FYB1: variants seen among roughly 807,000 people sequenced by gnomAD.
The protein encoded by FYB1 is FYN binding protein 1.
A neutral mutation model predicts 94.1 loss-of-function variants in FYB1; 41 were observed. The observed-to-expected ratio is 0.44, with a 90% confidence interval of 0.34 to 0.57. The LOEUF is 0.57. Among genes scored for constraint, FYB1 ranks in the 20% least tolerant of loss-of-function variants. The pLI is 0.02. For missense variants in FYB1, 1,050 were observed against 976.8 expected, an observed-to-expected ratio of 1.07 and a Z score of -1.00; for synonymous variants, 367 against 353.2, an observed-to-expected ratio of 1.04 and a Z score of -0.44.
chr5:39,162,971 A>G (rs1209528770), intron 2 of FYB1, among the ~76,000 whole-genome samples: 3 of 152,240 alleles, frequency 2.0e-5, no homozygotes, highest in African/African-American at 7.2e-5. Context: ...TAGCTGGAAA[A>G]ATGAACATTC....
intron 1 of FYB1, among the ~76,000 whole-genome samples, chr5:39,238,868 C>T (rs765619424): frequency 6.6e-5 from 10 of 152,232 alleles, no homozygotes; most frequent in East Asian, 1.9e-4. Context: ...CATGGTCACA[C>T]GTGAAAACCT....
At chr5:39,227,432 G>A (rs1255883235) in intron 1 of FYB1, among the ~76,000 whole-genome samples, 2 of 152,132 alleles carry the variant, frequency 1.3e-5, no homozygotes, top group Non-Finnish European at 2.9e-5. Flanking sequence ...AGAATGAATT[G>A]TCATTTGCAC....
At chr5:39,121,269 C>T (rs1740072389) in intron 14 of FYB1, among the ~76,000 whole-genome samples, 1 of 141,662 alleles carries the variant, frequency 7.1e-6, no homozygotes, top group South Asian at 2.4e-4. Flanking sequence ...GAACATATTA[C>T]TGAAGATTCC....
At chr5:39,191,359 G>A (rs900356975) in intron 2 of FYB1, among the ~76,000 whole-genome samples, 7 of 152,192 alleles carry the variant, frequency 4.6e-5, no homozygotes, top group Admixed American at 2.0e-4. Context: ...TGAAAAAGCC[G>A]TTGTGGTGTG....
chr5:39,213,895 C>T (rs1191713051), intron 1 of FYB1, among the ~76,000 whole-genome samples: 2 of 152,028 alleles, frequency 1.3e-5, no homozygotes, highest in Non-Finnish European at 2.9e-5. Flanking sequence ...TGAAGAGGGG[C>T]ATAAACAGAT....
chr5:39,208,983 C>T (rs1244210675), intron 1 of FYB1: 1 of 152,016 alleles, frequency 6.6e-6, no homozygotes, highest in Non-Finnish European at 1.5e-5. Flanking sequence ...AAGAAAATAA[C>T]ACATATGACC....
chr5:39,166,564 A>G (rs1744758250), intron 2 of FYB1, among the ~76,000 whole-genome samples: 1 of 152,220 alleles, frequency 6.6e-6, no homozygotes, highest in African/African-American at 2.4e-5. Context: ...AATGGATGAA[A>G]CTTATAAAAT....
At chr5:39,268,742 T>C (rs1360303680) in intron 1 of FYB1, among the ~76,000 whole-genome samples, 2 of 151,962 alleles carry the variant, frequency 1.3e-5, no homozygotes, top group Non-Finnish European at 2.9e-5. Flanking sequence ...ATTTTGTGTT[T>C]TTAGTAGAGA....
intron 2 of FYB1, among the ~76,000 whole-genome samples, chr5:39,184,417 A>G (rs1746554663): frequency 6.6e-6 from 1 of 152,228 alleles, no homozygotes; most frequent in Non-Finnish European, 1.5e-5. Flanking sequence ...TCAAATTACT[A>G]CAATGTGCAA....
chr5:39,161,408 T>C (rs57108424), intron 2 of FYB1, among the ~76,000 whole-genome samples: 16,997 of 152,146 alleles, frequency 0.11, 1,612 homozygotes, highest in East Asian at 0.54. Flanking sequence ...TAGACCCCCA[T>C]AGTCTAGTTA....
chr5:39,215,227 T>TA (rs199942772), intron 1 of FYB1, among the ~76,000 whole-genome samples: 2,011 of 152,286 alleles, frequency 0.013, 45 homozygotes, highest in African/African-American at 0.046. Context: ...ATAAGAATGT[T>TA]AAAAAAGGTG....
chr5:39,174,206 A>G (rs1418909128), intron 2 of FYB1, among the ~76,000 whole-genome samples: 1 of 151,996 alleles, frequency 6.6e-6, no homozygotes, highest in East Asian at 1.9e-4. Flanking sequence ...TTTTCTTTGT[A>G]GCTATTGTAA....
chr5:39,167,629 C>A (rs75363106), intron 2 of FYB1, among the ~76,000 whole-genome samples: 613 of 152,274 alleles, frequency 4.0e-3, no homozygotes, highest in Middle Eastern at 6.8e-3. Flanking sequence ...TCCCCCTTGA[C>A]TAAAAACAAT....
chr5:39,236,318 A>C (rs147319612), intron 1 of FYB1, among the ~76,000 whole-genome samples: 11 of 152,224 alleles, frequency 7.2e-5, no homozygotes, highest in African/African-American at 2.6e-4. Flanking sequence ...ACTTTAATAG[A>C]CTAAAGAAGG....
At chr5:39,228,250 A>T (rs1627797) in intron 1 of FYB1, among the ~76,000 whole-genome samples, 25,635 of 152,144 alleles carry the variant, frequency 0.17, 5,759 homozygotes, top group African/African-American at 0.5. Flanking sequence ...TGGGAAGCAA[A>T]GGCAAGAAAT....
chr5:39,168,535 A>C (rs1461667042), intron 2 of FYB1, among the ~76,000 whole-genome samples: 1 of 152,208 alleles, frequency 6.6e-6, no homozygotes. Flanking sequence ...TGCCACAGTT[A>C]GGTTATCAAT....
intron 1 of FYB1, among the ~76,000 whole-genome samples, chr5:39,271,246 A>T (rs1450933594): frequency 1.3e-5 from 2 of 152,198 alleles, no homozygotes; most frequent in Admixed American, 6.5e-5. Flanking sequence ...CCCTAAAAAA[A>T]AAGTACAGCT....
intron 9 of FYB1, among the ~76,000 whole-genome samples, chr5:39,131,730 G>A (rs1422268080): frequency 3.9e-5 from 6 of 152,124 alleles, no homozygotes; most frequent in Non-Finnish European, 2.9e-5. Context: ...CATGAAGCAG[G>A]CAGTTGGAAT....
chr5:39,183,174 C>T (rs554267727), intron 2 of FYB1, among the ~76,000 whole-genome samples: 9 of 152,126 alleles, frequency 5.9e-5, no homozygotes, highest in Middle Eastern at 3.4e-3. Context: ...TTAATAGAGA[C>T]GGGGTTTCTC....
Sources: allele counts gnomAD v4.1 joint callset (sites outside exome capture counted in the v4.1 genomes callset), GRCh38; gene constraint gnomAD v4.1.1; transcripts MANE v1.5; gene names NCBI Gene and HGNC (gene_info 2026-07-23, HGNC 2026-07-21).